The following UNC13B variants were observed in gnomAD, a reference collection of about 807,000 sequenced individuals.
The protein encoded by UNC13B is protein unc-13 homolog B.
UNC13B carries 144 observed loss-of-function variants against 211.0 expected under a neutral mutation model. That is an observed-to-expected ratio of 0.68 (90% CI 0.60 to 0.78). UNC13B has a LOEUF of 0.78. Among genes scored for constraint, UNC13B ranks in the 30% least tolerant of loss-of-function variants. UNC13B has a pLI of 0.00. For missense variants in UNC13B, 1,777 were observed against 2,002.0 expected (o/e 0.89, Z 2.14); for synonymous variants, 709 against 725.8 (o/e 0.98, Z 0.37).
At chr9:35,338,127 G>A (rs1211111441) in intron 11 of UNC13B, among the ~76,000 whole-genome samples, 1 of 152,184 alleles carries the variant, frequency 6.6e-6, no homozygotes, top group East Asian at 1.9e-4. Flanking sequence ...TGAGAGGGCA[G>A]TAGACATATA....
intron 7 of UNC13B, among the ~76,000 whole-genome samples, chr9:35,265,487 T>C (rs984527525): frequency 1.3e-5 from 2 of 152,236 alleles, no homozygotes; most frequent in Non-Finnish European, 2.9e-5. Flanking sequence ...CTCCCCAGCC[T>C]ATGGTATTTT....
chr9:35,255,052 TA>T (rs1458139130), intron 6 of UNC13B, among the ~76,000 whole-genome samples: 2 of 119,376 alleles, frequency 1.7e-5, no homozygotes, highest in African/African-American at 6.6e-5. Context: ...ATATATAATA[TA>T]ATATATATTA....
chr9:35,369,985 CTT>C (rs936029315), intron 12 of UNC13B, among the ~76,000 whole-genome samples: 2 of 152,184 alleles, frequency 1.3e-5, no homozygotes, highest in Non-Finnish European at 2.9e-5. Flanking sequence ...GAGAAGCCCT[CTT>C]GAGTGCCAAT....
intron 6 of UNC13B, among the ~76,000 whole-genome samples, chr9:35,243,780 G>T (rs1825933054): frequency 6.6e-6 from 1 of 152,130 alleles, no homozygotes; most frequent in Non-Finnish European, 1.5e-5. Flanking sequence ...TACCTCCAGA[G>T]ATGAGGCTGG....
intron 1 of UNC13B, among the ~76,000 whole-genome samples, chr9:35,216,013 C>G (rs1217634272): frequency 6.6e-6 from 1 of 152,062 alleles, no homozygotes; most frequent in Non-Finnish European, 1.5e-5. Flanking sequence ...ATGTATTTAG[C>G]TTCATATAAA....
chr9:35,179,962 T>G (rs1385931382), intron 1 of UNC13B, among the ~76,000 whole-genome samples: 1 of 152,252 alleles, frequency 6.6e-6, no homozygotes, highest in Non-Finnish European at 1.5e-5. Flanking sequence ...GATGGATGGC[T>G]AGAATGACCT....
chr9:35,393,417 G>A (rs1418703312), intron 26 of UNC13B, among the ~76,000 whole-genome samples: 1 of 152,066 alleles, frequency 6.6e-6, no homozygotes, highest in Non-Finnish European at 1.5e-5. Flanking sequence ...GGTCTAGAGA[G>A]AGCTGGCATG....
At chr9:35,369,755 C>A (rs2032199748) in intron 12 of UNC13B, among the ~76,000 whole-genome samples, 1 of 152,172 alleles carries the variant, frequency 6.6e-6, no homozygotes, top group Admixed American at 6.5e-5. Flanking sequence ...ATTATGAGGG[C>A]TCCTTTCTCC....
At chr9:35,222,861 C>A (rs548864596) in intron 1 of UNC13B, among the ~76,000 whole-genome samples, 3 of 152,194 alleles carry the variant, frequency 2.0e-5, no homozygotes, top group African/African-American at 7.2e-5. Context: ...CCTTCTCCCC[C>A]TTCCCAGCAT....
intron 7 of UNC13B, among the ~76,000 whole-genome samples, chr9:35,279,186 C>T (rs903954007): frequency 3.3e-5 from 5 of 152,152 alleles, no homozygotes; most frequent in East Asian, 1.9e-4. Context: ...ACCCATTAAA[C>T]GGTCACTCTC....
chr9:35,355,822 C>T (rs932912903), intron 11 of UNC13B, among the ~76,000 whole-genome samples: 3 of 152,168 alleles, frequency 2.0e-5, no homozygotes, highest in Non-Finnish European at 4.4e-5. Flanking sequence ...TATTTCAGCA[C>T]AGCAACAATA....
Position 35,182,966 on chromosome 9 carries a change from G to A in UNC13B, c.22+20661G>A, listed in dbSNP as rs796385385. Among the ~76,000 whole-genome samples the A allele has an allele frequency of 5.3e-5, 8 of 151,940 alleles. No individual in the cohort carries two copies. The East Asian group carries it at 9.7e-4, about 18-fold the overall frequency. ...AAAACCGCCATCGTCATCATGGCCCGTTCTTGATGGTCGCTGTCTCTTCAG... is the reference window on the plus strand; with the variant it reads ...AAAACCGCCATCGTCATCATGGCCCATTCTTGATGGTCGCTGTCTCTTCAG... On this transcript the variant is annotated intron_variant, in intron 1 of 39. Transcript: ENST00000635942.
Position 35,227,838 on chromosome 9 carries a change from T to C in UNC13B, c.23-177T>C, listed in dbSNP as rs534826175. 3.5e-5 allele frequency: 17 copies of C among 491,020 alleles called. No individual in the cohort carries two copies. The Admixed American group carries it at 6.0e-4, about 17-fold the overall frequency. The allele number at this position is 491,020 out of a possible 1,614,324, so 30.4% of individuals were successfully genotyped here. On this transcript the variant is annotated intron_variant, in intron 1 of 39. Coordinates refer to ENST00000635942, the MANE Select transcript of UNC13B (RefSeq NM_001371189.2). ...TATGAGATCAGATTGACTTTTAAGG[T>C]CTCGTCTGACTCTTTGCCTTTCAAG...
At chr9:35,277,165 G>C (rs994427955) in intron 7 of UNC13B, among the ~76,000 whole-genome samples, 1 of 152,044 alleles carries the variant, frequency 6.6e-6, no homozygotes, top group East Asian at 1.9e-4. Context: ...ATCCCATCCA[G>C]GTTTTAGGGA....
Position 35,305,184 on chromosome 9 carries a change from C to T in UNC13B, c.5780C>T (p.Ser1927Leu), listed in dbSNP as rs771576636. The change falls in exon 9 of 40, where the codon TCG becomes TTG. Residue 1927 changes from serine (S) to leucine (L), a missense_variant. Physicochemically the swap from Ser to Leu is moderately radical, Grantham distance 145 (BLOSUM62 -2). Coordinates refer to ENST00000635942, the MANE Select transcript of UNC13B (RefSeq NM_001371189.2). ...TTGAAACTCTTCAGTCAAGAAGAAT[C>T]GTCAGTTAGTATGACAGCAAATGAA... Reference protein sequence around the residue: ...SSLKLFSQEESSVSMTANEKQ... With the variant: ...SSLKLFSQEELSVSMTANEKQ... The T allele has an allele frequency of 2.1e-4, 84 of 398,718 alleles. No individual in the cohort carries two copies. The highest frequency in any genetic ancestry group is 1.9e-3 in the Middle Eastern group (3 of 1,610). The allele number at this position is 398,718 out of a possible 1,614,324, so 24.7% of individuals were successfully genotyped here. A position where few individuals can be genotyped will look rare whatever the true frequency, so the allele number is the denominator to read the frequency against.
In UNC13B at chr9:35,236,592, T is replaced by C; in HGVS notation, c.270+6T>C. On this transcript the variant is annotated splice_donor_region_variant and intron_variant, in intron 4 of 39. Transcript: ENST00000635942. ...CTATTCGTCAGTCGGATGAGGTCAG[T>C]CATTGCATTTTCTGTTTGGAAGTAT... 6.2e-7 allele frequency: 1 copy of C among 1,611,980 alleles called. No homozygotes were observed. The highest frequency in any genetic ancestry group is 8.5e-7 in the Non-Finnish European group (1 of 1,178,220).
chr9:35,390,464 C>T (rs1047729654), intron 25 of UNC13B, among the ~76,000 whole-genome samples, 165 bp from the exon 26 acceptor site: 2 of 152,252 alleles, frequency 1.3e-5, no homozygotes, highest in African/African-American at 2.4e-5. Flanking sequence ...CTGCCACTGG[C>T]CCCTGGCCCC....
At chr9:35,366,887 G>T in intron 11 of UNC13B, 60 bp from the exon 12 acceptor site, 1 of 1,455,662 alleles carries the variant, frequency 6.9e-7, no homozygotes, top group East Asian at 2.3e-5. Context: ...TCGCTGCTCA[G>T]ATTACAGGCA....
intron 37 of UNC13B, among the ~76,000 whole-genome samples, chr9:35,401,367 A>T (rs1342443305): frequency 6.6e-6 from 1 of 152,220 alleles, no homozygotes; most frequent in Non-Finnish European, 1.5e-5. Context: ...TCTCATTTCC[A>T]ATCCAGGGAG....
Sources: gnomAD v4.1 joint callset for allele counts (sites outside exome capture counted in the v4.1 genomes callset) on GRCh38, gnomAD v4.1.1 for gene constraint, MANE v1.5 for transcripts, NCBI Gene and HGNC (gene_info 2026-07-23, HGNC 2026-07-21) for gene names.